PRKAR1B: variants seen among roughly 807,000 people sequenced by gnomAD.
PRKAR1B encodes cAMP-dependent protein kinase type I-beta regulatory subunit.
In PRKAR1B, 22 loss-of-function variants were observed where a neutral mutation model predicts 46.5. That is an observed-to-expected ratio of 0.47 (90% confidence interval 0.34 to 0.68). PRKAR1B has a LOEUF of 0.68. PRKAR1B is among the 30% of genes least tolerant of loss of function. The pLI, the probability that PRKAR1B is intolerant of heterozygous loss-of-function variation, is 0.01. For synonymous variants in PRKAR1B, 259 were observed against 217.7 expected (o/e 1.19, Z -1.67); for missense variants, 445 against 535.6 (o/e 0.83, Z 1.67).
At position 726,669 on chromosome 7, in the gene PRKAR1B, G is replaced by A. The variant is rs1035731629; in HGVS notation, c.-23+541C>T. 3.7e-5 allele frequency: 44 copies of A among 1,199,250 alleles called. 1 individual carries two copies. In the African/African-American group the frequency reaches 6.8e-4, roughly 18 times the overall value. The allele number at this position is 1,199,250 out of a possible 1,614,324, so 74.3% of individuals were successfully genotyped here. On this transcript the variant is annotated intron_variant, in intron 1 of 10. Coordinates refer to ENST00000537384, the MANE Select transcript of PRKAR1B (RefSeq NM_001164760.2). ...GACCGGAAGTGCTGCCGTAATCTGCGCTGAGAGTCGCGAAAGCGCTGTTCC... is the reference window on the plus strand; with the variant it reads ...GACCGGAAGTGCTGCCGTAATCTGCACTGAGAGTCGCGAAAGCGCTGTTCC...
At chr7:550,703 A>C in intron 10 of PRKAR1B, 101 bp from the exon 11 acceptor site, 1 of 991,540 alleles carries the variant, frequency 1.0e-6, no homozygotes, top group Non-Finnish European at 1.4e-6. Flanking sequence ...CCTTTTAAGG[A>C]TAGGATGTGC....
chr7:583,434 C>G (rs1176715290), intron 8 of PRKAR1B, among the ~76,000 whole-genome samples: 2 of 145,120 alleles, frequency 1.4e-5, no homozygotes, highest in South Asian at 2.2e-4. Context: ...ACGCACACAC[C>G]CACAGTGCAC....
intron 4 of PRKAR1B, among the ~76,000 whole-genome samples, chr7:662,047 C>G (rs1404698999): frequency 5.9e-5 from 4 of 67,696 alleles, no homozygotes; most frequent in East Asian, 6.2e-4. Flanking sequence ...ACTCTCCCCC[C>G]CATGGCACAG....
chr7:602,976 G>A lies in PRKAR1B; in HGVS notation c.549+3217C>T, dbSNP rs1395016546. Among the ~76,000 whole-genome samples the A allele has an allele frequency of 6.6e-6, 1 of 152,130 alleles. No individual in the cohort carries two copies. The highest frequency in any genetic ancestry group is 2.4e-5 in the African/African-American group (1 of 41,422). On this transcript the variant is annotated intron_variant, in intron 6 of 10. Transcript: ENST00000537384. This position sits in a 1 kb window ranked among gnomAD's most constrained non-coding sequence, Gnocchi z 6.4. The stretch of plus-strand genomic sequence containing the variant: ...CTCCTCGAGACACGACAAGTTAGGC[G>A]GGAACATAACCTGGGAGCCCCATGT...
rs2128424999 is a variant in PRKAR1B at position 560,492 on chromosome 7, G to T, written c.892-9022C>A. Reference sequence around the variant, plus strand: ...TAAAAGATTAAGCACAGCTGGAAAGGTGTTCAACACACGAGCTTAACCCAG... The same window carrying T: ...TAAAAGATTAAGCACAGCTGGAAAGTTGTTCAACACACGAGCTTAACCCAG... On this transcript the variant is annotated intron_variant, in intron 9 of 10. Coordinates refer to ENST00000537384, the MANE Select transcript of PRKAR1B (RefSeq NM_001164760.2). The surrounding 1 kb of genome is among the most constrained non-coding windows in gnomAD (Gnocchi z 4.2). 6.6e-6 allele frequency among the ~76,000 whole-genome samples: 1 copy of T among 152,212 alleles called. No individual in the cohort carries two copies. Among genetic ancestry groups the T allele is most frequent in the East Asian group, 1.9e-4 (1 of 5,180 alleles).
At chr7:557,161 G>A (rs928794304) in intron 9 of PRKAR1B, among the ~76,000 whole-genome samples, 1 of 152,172 alleles carries the variant, frequency 6.6e-6, no homozygotes, top group Admixed American at 6.5e-5. Flanking sequence ...CCCTCCTCCT[G>A]CCCTCCCATC....
At chr7:726,887 C>T (rs964928818) in intron 1 of PRKAR1B, 1 of 1,332,638 alleles carries the variant, frequency 7.5e-7, no homozygotes, top group Admixed American at 3.7e-5. Context: ...CTGCGGCGCG[C>T]GCTGGAGGAG....
chr7:693,697 G>C (rs1779570502), intron 2 of PRKAR1B, among the ~76,000 whole-genome samples: 1 of 152,280 alleles, frequency 6.6e-6, no homozygotes, highest in East Asian at 1.9e-4. Flanking sequence ...AAGCAGTGCT[G>C]CTCCAAACGC....
chr7:598,579 G>A (rs956575832), intron 6 of PRKAR1B, among the ~76,000 whole-genome samples: 7 of 80,932 alleles, frequency 8.6e-5, no homozygotes, highest in East Asian at 3.4e-4. Context: ...AGCACCCTCC[G>A]CACCAAACAC....
chr7:665,017 GTTC>G (rs1785827153), intron 4 of PRKAR1B, among the ~76,000 whole-genome samples: 1 of 151,962 alleles, frequency 6.6e-6, no homozygotes, highest in Non-Finnish European at 1.5e-5. Flanking sequence ...AAGACCTGAG[GTTC>G]TTCTCTCCAC....
At chr7:622,856 A>G (rs993888852) in intron 4 of PRKAR1B, among the ~76,000 whole-genome samples, 4 of 152,214 alleles carry the variant, frequency 2.6e-5, no homozygotes, top group Admixed American at 6.5e-5. Context: ...GACGCTATCC[A>G]GGGGGAAAGA....
chr7:617,763 GC>G (rs1782909881), intron 4 of PRKAR1B, among the ~76,000 whole-genome samples: 2 of 152,182 alleles, frequency 1.3e-5, no homozygotes, highest in South Asian at 4.1e-4. Context: ...CAGGCACTAG[GC>G]CCCTCCCGGA....
intron 2 of PRKAR1B, among the ~76,000 whole-genome samples, chr7:682,596 T>A (rs1778751781): frequency 6.6e-6 from 1 of 151,388 alleles, no homozygotes; most frequent in African/African-American, 2.4e-5. Context: ...ATACAAAAAA[T>A]TAGCTGGGTG....
chr7:552,684 C>T (rs183915460), intron 9 of PRKAR1B, among the ~76,000 whole-genome samples: 65 of 152,366 alleles, frequency 4.3e-4, no homozygotes, highest in Non-Finnish European at 7.5e-4. Context: ...ACTGGCCCCC[C>T]GCACCTTTGC....
chr7:574,037 CA>C (rs1310588607), intron 9 of PRKAR1B, among the ~76,000 whole-genome samples: 1 of 152,244 alleles, frequency 6.6e-6, no homozygotes, highest in African/African-American at 2.4e-5. Flanking sequence ...CTCCTCTGTT[CA>C]GGGGTGAGAA....
chr7:703,443 G>C (rs546515271), intron 2 of PRKAR1B, among the ~76,000 whole-genome samples: 1 of 151,974 alleles, frequency 6.6e-6, no homozygotes, highest in Non-Finnish European at 1.5e-5. Context: ...TCAAGAGATC[G>C]AGACCATCGA....
At chr7:662,846 C>G (rs941998039) in intron 4 of PRKAR1B, among the ~76,000 whole-genome samples, 5 of 152,228 alleles carry the variant, frequency 3.3e-5, no homozygotes, top group Non-Finnish European at 7.3e-5. Flanking sequence ...CAAAGCTCCC[C>G]CCACCACCTG....
At chr7:630,310 AC>A (rs1783662713) in intron 4 of PRKAR1B, among the ~76,000 whole-genome samples, 2 of 152,210 alleles carry the variant, frequency 1.3e-5, no homozygotes, top group South Asian at 4.2e-4. Context: ...GGAGAGGCAA[AC>A]CCCCAGGCAG....
intron 1 of PRKAR1B, among the ~76,000 whole-genome samples, chr7:721,648 CAA>C (rs35487659): frequency 1.7e-3 from 242 of 145,726 alleles, no homozygotes; most frequent in African/African-American, 5.2e-3. Context: ...AATTCCGTCT[CAA>C]AAAAAAAAAA....
Sources: gnomAD v4.1 joint callset for allele counts (sites outside exome capture counted in the v4.1 genomes callset) on GRCh38, gnomAD v4.1.1 for gene constraint, Gnocchi (gnomAD v3.1) non-coding constraint, MANE v1.5 for transcripts, NCBI Gene and HGNC (gene_info 2026-07-23, HGNC 2026-07-21) for gene names.